Variants in BIRC6 observed in about 807,000 individuals in gnomAD.
BIRC6 encodes dual E2 ubiquitin-conjugating enzyme/E3 ubiquitin-protein ligase BIRC6.
BIRC6 carries 98 observed loss-of-function variants against 503.3 expected under a neutral mutation model. The observed-to-expected ratio is 0.19, with a 90% CI of 0.17 to 0.23. BIRC6 has a LOEUF of 0.23. Ranked by LOEUF, BIRC6 falls within the 10% of genes least tolerant of loss-of-function variation. The pLI, the probability that BIRC6 is intolerant of heterozygous loss-of-function variation, is 1.00. For missense variants in BIRC6, 5,360 were observed against 5,806.0 expected (o/e 0.92, Z 2.50); for synonymous variants, 2,240 against 2,078.7 (o/e 1.08, Z -2.11).
chr2:32,448,767 A>T, intron 21 of BIRC6, 28 bp from the exon 22 acceptor site: 1 of 1,585,628 alleles, frequency 6.3e-7, no homozygotes, highest in Non-Finnish European at 8.6e-7. Context: ...TGAAAGGAAA[A>T]TTGTTAGTGC....
At chr2:32,504,787 G>T (rs146858603) in intron 49 of BIRC6, among the ~76,000 whole-genome samples, 1 of 152,136 alleles carries the variant, frequency 6.6e-6, no homozygotes, top group Non-Finnish European at 1.5e-5. Context: ...AAAGTAGACA[G>T]CAGTTAATAA....
Position 32,357,709 on chromosome 2 carries a change from G to A in BIRC6, c.325+223G>A, listed in dbSNP as rs1299578128. ...AAAGACCGGCGAGTCAGGGAGTGGT[G>A]GGAGGGGAGTTGCCTTTCGGGCCTG... On this transcript the variant is annotated intron_variant, in intron 1 of 73. Coordinates refer to ENST00000421745, the MANE Select transcript of BIRC6 (RefSeq NM_016252.4). The surrounding 1 kb of genome is among the most constrained non-coding windows in gnomAD (Gnocchi z 4.9). Among the ~76,000 whole-genome samples the A allele has an allele frequency of 6.6e-6, 1 of 152,182 alleles. No homozygotes were observed. Among genetic ancestry groups the A allele is most frequent in the African/African-American group, 2.4e-5 (1 of 41,454 alleles).
intron 65 of BIRC6, among the ~76,000 whole-genome samples, chr2:32,552,412 T>C (rs568161706): frequency 6.6e-6 from 1 of 152,298 alleles, no homozygotes; most frequent in Admixed American, 6.5e-5. Flanking sequence ...TAAATGATAA[T>C]ACTAAGCTGA....
rs2034209906 is a variant in BIRC6, at chr2:32,362,227, T to A, written c.325+4741T>A. 2.0e-5 allele frequency among the ~76,000 whole-genome samples: 3 copies of A among 152,188 alleles called. 1 individual carries two copies. In the South Asian group the frequency reaches 6.2e-4, roughly 32 times the overall value. ...TTAGTAGTTGTGTAGTGGTATCTCC[T>A]TTTTTAAAATTGTAATTTCCTAATG... On this transcript the variant is annotated intron_variant, in intron 1 of 73. Transcript: ENST00000421745.
In BIRC6 at chr2:32,378,051, G is replaced by A. The variant is rs529966615; in HGVS notation, c.507+282G>A. 3.3e-5 allele frequency among the ~76,000 whole-genome samples: 5 copies of A among 152,226 alleles called. No homozygotes were observed. In the South Asian group the frequency reaches 6.2e-4, roughly 19 times the overall value. On this transcript the variant is annotated intron_variant, in intron 2 of 73. Coordinates refer to ENST00000421745, the MANE Select transcript of BIRC6 (RefSeq NM_016252.4). The stretch of plus-strand genomic sequence containing the variant: ...AACAATGGCTTAAACAGGATAGCTT[G>A]TTTCCAATAATAGTCCAGGGCTAAG...
rs2051700784 is a variant in BIRC6 at position 32,491,504 on chromosome 2, A to G, written c.8286A>G (p.Leu2762=). Residue 2762 remains leucine, a synonymous_variant, in exon 44 of 74, where the codon TTA becomes TTG. Transcript: ENST00000421745. ...LVSDPNLIHV[L]VKFLSGTSPH... Reference sequence around the variant, plus strand: ...CAGATCCAAACCTAATTCATGTATTAGTGAAATTTCTTTCTGGCACCAGTC... The same window carrying G: ...CAGATCCAAACCTAATTCATGTATTGGTGAAATTTCTTTCTGGCACCAGTC... 3 of 1,613,460 alleles carry G rather than the reference A, an allele frequency of 1.9e-6. No homozygotes were observed. The highest frequency in any genetic ancestry group is 1.7e-6 in the Non-Finnish European group (2 of 1,179,602).
intron 53 of BIRC6, among the ~76,000 whole-genome samples, chr2:32,511,461 C>T (rs1255784070): frequency 6.9e-6 from 1 of 145,644 alleles, no homozygotes; most frequent in African/African-American, 2.5e-5. Flanking sequence ...AGGCGACCAC[C>T]ACTATAACTG....
At chr2:32,381,540 C>CTTTT (rs71407447) in intron 3 of BIRC6, among the ~76,000 whole-genome samples, 1 of 125,350 alleles carries the variant, frequency 8.0e-6, no homozygotes, top group Non-Finnish European at 1.7e-5. Context: ...GCACCTGGCT[C>CTTTT]TTTTTTTTTT....
intron 68 of BIRC6, among the ~76,000 whole-genome samples, chr2:32,597,330 A>G (rs1311126067): frequency 1.3e-5 from 2 of 152,208 alleles, no homozygotes; most frequent in Non-Finnish European, 2.9e-5. Flanking sequence ...GAATTAACAG[A>G]AGAGAAATGA....
At chr2:32,483,916 C>G (rs1028444148) in intron 39 of BIRC6, among the ~76,000 whole-genome samples, 3 of 152,158 alleles carry the variant, frequency 2.0e-5, no homozygotes, top group Admixed American at 6.5e-5. Flanking sequence ...GGGCTTCTCC[C>G]TTGTAAAGTT....
intron 23 of BIRC6, among the ~76,000 whole-genome samples, chr2:32,461,130 C>CT (rs1218446488): frequency 2.0e-4 from 1 of 4,904 alleles, no homozygotes. Flanking sequence ...CTCCTCTCCT[C>CT]CCCTCCCCTC....
intron 39 of BIRC6, among the ~76,000 whole-genome samples, chr2:32,483,492 C>A (rs766615145): frequency 1.3e-5 from 2 of 152,094 alleles, no homozygotes; most frequent in Non-Finnish European, 2.9e-5. Context: ...GAAGTATATT[C>A]CCTCAAAATC....
intron 10 of BIRC6, among the ~76,000 whole-genome samples, chr2:32,425,016 G>T (rs759178930): frequency 1.6e-4 from 25 of 151,968 alleles, no homozygotes; most frequent in Non-Finnish European, 2.9e-4. Context: ...GTGATGTTGA[G>T]CATTTCTTCA....
intron 1 of BIRC6, among the ~76,000 whole-genome samples, chr2:32,374,877 T>G (rs560108911): frequency 2.6e-5 from 4 of 152,284 alleles, no homozygotes; most frequent in Non-Finnish European, 5.9e-5. Flanking sequence ...AGTGTTGTAT[T>G]ATGGGTGTGA....
Position 32,470,186 on chromosome 2 carries a change from C to T in BIRC6, c.6366C>T (p.Ser2122=). 2 of 1,557,072 alleles carry T rather than the reference C, an allele frequency of 1.3e-6. No individual in the cohort carries two copies. The highest frequency in any genetic ancestry group is 1.2e-5 in the South Asian group (1 of 82,706). The change falls in exon 31 of 74, where the codon TCC becomes TCT. Residue 2122 remains serine (S), a synonymous_variant. Coordinates refer to ENST00000421745, the MANE Select transcript of BIRC6 (RefSeq NM_016252.4). The part of the protein sequence containing the change: ...FPQDRVFMLL[S]CIGQRSLSNS... ...TTTTTAGGGTCTTCATGTTACTTTC[C>T]TGCATTGGTCAAAGATCACTTAGTA...
chr2:32,604,613 C>A (rs1440586772), intron 71 of BIRC6, among the ~76,000 whole-genome samples: 1 of 152,076 alleles, frequency 6.6e-6, no homozygotes, highest in Non-Finnish European at 1.5e-5. Flanking sequence ...TGTTGTTATT[C>A]TTATCAAATA....
At chr2:32,453,091 A>G (rs1389501517) in intron 22 of BIRC6, among the ~76,000 whole-genome samples, 3 of 151,694 alleles carry the variant, frequency 2.0e-5, no homozygotes, top group African/African-American at 7.3e-5. Flanking sequence ...AAAAAATTGC[A>G]AAGTAGTGAA....
chr2:32,395,386 G>T, intron 5 of BIRC6, 125 bp from the exon 6 acceptor site: 1 of 663,308 alleles, frequency 1.5e-6, no homozygotes, highest in Non-Finnish European at 2.5e-6. Context: ...AATATTATAG[G>T]CTAATTTTCT....
Position 32,531,417 on chromosome 2 carries a change from A to C in BIRC6, c.12157A>C (p.Met4053Leu). Residue 4053 changes from methionine to leucine, a missense_variant, in exon 61 of 74, where the codon ATG becomes CTG. By Grantham distance (15) the Met-to-Leu change is conservative. Around this residue, in one of 16 missense-constraint regions of BIRC6, gnomAD observed 878 missense variants for 928.9 expected, o/e 0.95. Transcript: ENST00000421745. ...GGCTCTCACTCCAGGTGATGAATGC[A>C]TGGATGGGATACTGGATGAATCTTT... ...DEALTPGDEC[M>L]DGILDESLLE... The C allele has an allele frequency of 6.2e-7, 1 of 1,613,904 alleles. No homozygotes were observed. The highest frequency in any genetic ancestry group is 8.5e-7 in the Non-Finnish European group (1 of 1,179,830).
Sources: gnomAD v4.1 joint callset for allele counts (sites outside exome capture counted in the v4.1 genomes callset) on GRCh38, gnomAD v4.1.1 for gene constraint, gnomAD v4.1.1 regional missense constraint, Gnocchi (gnomAD v3.1) non-coding constraint, MANE v1.5 for transcripts, NCBI Gene and HGNC (gene_info 2026-07-23, HGNC 2026-07-21) for gene names.